The following MROH2B variants were observed in gnomAD, a reference collection of about 807,000 sequenced individuals.
MROH2B encodes maestro heat like repeat family member 2B.
Under a neutral mutation model 208.6 loss-of-function variants are expected in MROH2B, and 177 were observed. The observed-to-expected ratio is 0.85, with a 90% CI of 0.75 to 0.96. MROH2B has a LOEUF of 0.96. MROH2B is among the 40% of genes least tolerant of loss of function. MROH2B has a pLI of 0.00. For missense variants in MROH2B, 2,002 were observed against 1,878.7 expected (o/e 1.07, Z -1.21); for synonymous variants, 728 against 659.0 (o/e 1.10, Z -1.60).
At chr5:41,029,632 G>A (rs1742497660) in intron 24 of MROH2B, among the ~76,000 whole-genome samples, 1 of 152,040 alleles carries the variant, frequency 6.6e-6, no homozygotes, top group Non-Finnish European at 1.5e-5. Context: ...ACTCACAATG[G>A]ATCAAAGATC....
At chr5:41,035,407 C>A (rs1247129476) in intron 21 of MROH2B, among the ~76,000 whole-genome samples, 1 of 152,042 alleles carries the variant, frequency 6.6e-6, no homozygotes, top group Non-Finnish European at 1.5e-5. Context: ...TGAAACTAGA[C>A]CTTTACCTTT....
chr5:41,038,981 G>A lies in MROH2B; in HGVS notation c.2062-93C>T, dbSNP rs1475883772. The A allele has an allele frequency of 5.1e-6, 6 of 1,179,578 alleles. No individual in the cohort carries two copies. The East Asian group carries it at 1.4e-4, about 28-fold the overall frequency. The allele number at this position is 1,179,578 out of a possible 1,614,324, so 73.1% of individuals were successfully genotyped here. ...TCCTAATCCTGTGGACCACTATAGG[G>A]GATAAGAAACTGGACTGGGATGATT... On this transcript the variant is annotated intron_variant, in intron 20 of 41. Transcript: ENST00000399564.
chr5:41,006,311 C>G (rs779042415), intron 34 of MROH2B, among the ~76,000 whole-genome samples: 2 of 151,792 alleles, frequency 1.3e-5, no homozygotes, highest in African/African-American at 4.8e-5. Context: ...GCAAGAATGA[C>G]CATAATAAAA....
intron 1 of MROH2B, 89 bp from the exon 2 acceptor site, chr5:41,069,841 T>C (rs1428571937): frequency 1.9e-5 from 19 of 982,632 alleles, no homozygotes; most frequent in Non-Finnish European, 2.5e-5. Context: ...AGTTCATTCA[T>C]TCATTTATCC....
intron 6 of MROH2B, 76 bp downstream of exon 6, chr5:41,061,494 T>C (rs1579959064): frequency 2.4e-6 from 3 of 1,271,522 alleles, no homozygotes; most frequent in East Asian, 5.3e-5. Flanking sequence ...AGCCTAATTA[T>C]CATGTCACAA....
chr5:41,071,289 C>T lies in MROH2B; in HGVS notation c.-437G>A, dbSNP rs1218409936. 3 of 175,958 alleles carry T rather than the reference C, an allele frequency of 1.7e-5. No homozygotes were observed. Among genetic ancestry groups the T allele is most frequent in the Non-Finnish European group, 2.4e-5 (2 of 83,404 alleles). The allele number at this position is 175,958 out of a possible 1,614,324, so 10.9% of individuals were successfully genotyped here. On this transcript the variant is annotated 5_prime_UTR_variant, in exon 1 of 42. Transcript: ENST00000399564. ...TTTACTGTCCTGATGTTGGGAAAGG[C>T]TTTATGGTGAACTCGTTGATTGTTA...
At chr5:41,040,227 G>A (rs1742900088) in intron 19 of MROH2B, among the ~76,000 whole-genome samples, 1 of 152,098 alleles carries the variant, frequency 6.6e-6, no homozygotes, top group African/African-American at 2.4e-5. Flanking sequence ...TATCTTAAGA[G>A]GTTAAATTTC....
At chr5:41,055,896 T>C in intron 9 of MROH2B, 41 bp from the exon 10 acceptor site, 1 of 1,422,828 alleles carries the variant, frequency 7.0e-7, no homozygotes, top group Non-Finnish European at 9.9e-7. Context: ...CTCATTTTCA[T>C]CCTAGGTAAA....
chr5:41,033,753 T>C, intron 22 of MROH2B, 85 bp downstream of exon 22: 2 of 1,097,682 alleles, frequency 1.8e-6, no homozygotes, highest in South Asian at 1.5e-5. Flanking sequence ...CAAAAGGACA[T>C]CTTTGCTTGG....
At chr5:41,066,397 T>A (rs111873960) in intron 3 of MROH2B, among the ~76,000 whole-genome samples, 4 of 152,308 alleles carry the variant, frequency 2.6e-5, no homozygotes, top group African/African-American at 9.6e-5. Flanking sequence ...ATTATTGATC[T>A]AGAGAGATAA....
intron 39 of MROH2B, 57 bp from the exon 40 acceptor site, chr5:40,999,836 T>C (rs2111780971): frequency 6.6e-7 from 1 of 1,515,662 alleles, no homozygotes; most frequent in Admixed American, 1.7e-5. Context: ...TTGTGACATT[T>C]GGCATCCTAT....
chr5:41,004,939 T>A lies in MROH2B; in HGVS notation c.3865-19A>T. 6.2e-7 allele frequency: 1 copy of A among 1,611,702 alleles called. No individual in the cohort carries two copies. The highest frequency in any genetic ancestry group is 8.5e-7 in the Non-Finnish European group (1 of 1,178,700). ...TCATGAGCTGAAATAATCAACACACTCCTCCCGTTTAGTTAAGGGCGTGGC... is the reference window on the plus strand; with the variant it reads ...TCATGAGCTGAAATAATCAACACACACCTCCCGTTTAGTTAAGGGCGTGGC... On this transcript the variant is annotated intron_variant, in intron 35 of 41. Transcript: ENST00000399564.
Position 41,055,862 on chromosome 5 carries a change from G to C in MROH2B, c.920-7C>G. 6.3e-7 allele frequency: 1 copy of C among 1,597,604 alleles called. No individual in the cohort carries two copies. The highest frequency in any genetic ancestry group is 2.2e-5 in the East Asian group (1 of 44,782). On this transcript the variant is annotated splice_region_variant and splice_polypyrimidine_tract_variant and intron_variant, in intron 9 of 41. Coordinates refer to ENST00000399564, the MANE Select transcript of MROH2B (RefSeq NM_173489.5). Reference sequence around the variant, plus strand: ...TCTCCAGGATTGGAATGGGCTGCAGGTTCAAGAAACACTAGAGCTGTAACT... The same window carrying C: ...TCTCCAGGATTGGAATGGGCTGCAGCTTCAAGAAACACTAGAGCTGTAACT...
At chr5:41,043,370 C>G (rs1743012730) in intron 18 of MROH2B, among the ~76,000 whole-genome samples, 1 of 151,998 alleles carries the variant, frequency 6.6e-6, no homozygotes, top group Admixed American at 6.6e-5. Context: ...AAACTGTGTA[C>G]AATACAGAAG....
chr5:41,045,664 G>A, intron 18 of MROH2B, 82 bp downstream of exon 18: 1 of 979,814 alleles, frequency 1.0e-6, no homozygotes, highest in Admixed American at 1.8e-5. Context: ...CCCTTTGATT[G>A]TGATACAGAC....
chr5:41,068,333 T>G (rs1005772833), intron 2 of MROH2B, among the ~76,000 whole-genome samples: 2 of 152,354 alleles, frequency 1.3e-5, no homozygotes, highest in East Asian at 3.9e-4. Flanking sequence ...GTGCTTACTA[T>G]CCTGTCTGCA....
chr5:41,046,037 A>G (rs1743108761), intron 17 of MROH2B, among the ~76,000 whole-genome samples, 184 bp from the exon 18 acceptor site: 1 of 152,186 alleles, frequency 6.6e-6, no homozygotes, highest in African/African-American at 2.4e-5. Context: ...ATTTTCTGAT[A>G]TGTTCTGAAT....
intron 21 of MROH2B, among the ~76,000 whole-genome samples, chr5:41,034,799 AC>A (rs1374479221): frequency 6.6e-6 from 1 of 152,124 alleles, no homozygotes; most frequent in East Asian, 1.9e-4. Context: ...ATTTTCATAC[AC>A]CAGTAATGTC....
At chr5:41,023,326 C>T (rs971263518) in intron 24 of MROH2B, among the ~76,000 whole-genome samples, 8 of 152,106 alleles carry the variant, frequency 5.3e-5, no homozygotes, top group Non-Finnish European at 7.4e-5. Flanking sequence ...ACTAGAATAA[C>T]CAGTGTAGAG....
Sources: gnomAD v4.1 joint callset for allele counts (sites outside exome capture counted in the v4.1 genomes callset) on GRCh38, gnomAD v4.1.1 for gene constraint, MANE v1.5 for transcripts, NCBI Gene and HGNC (gene_info 2026-07-23, HGNC 2026-07-21) for gene names.